Variants in DUT observed in about 807,000 individuals in gnomAD.
DUT encodes the protein deoxyuridine triphosphatase.
DUT carries 21 observed loss-of-function variants against 28.8 expected under a neutral mutation model. The ratio of observed to expected loss-of-function variants is 0.73; its 90% confidence interval spans 0.52 to 1.05. The LOEUF (loss-of-function observed/expected upper bound fraction) is 1.05. Among genes scored for constraint, DUT ranks in the 50% least tolerant of loss-of-function variants. DUT has a pLI of 0.00. For missense variants in DUT, 344 were observed against 351.8 expected (o/e 0.98, Z 0.18); for synonymous variants, 147 against 143.7 (o/e 1.02, Z -0.17).
chr15:48,332,284 A>T lies in DUT; in HGVS notation c.297A>T (p.Ser99=), dbSNP rs1468886315. The T allele has an allele frequency of 8.7e-6, 14 of 1,608,430 alleles. No homozygotes were observed. Among genetic ancestry groups the T allele is most frequent in the African/African-American group, 6.8e-5 (5 of 74,074 alleles). Residue 99 remains serine, a synonymous_variant, in exon 2 of 7, where the codon TCA becomes TCT. Coordinates refer to ENST00000331200, the MANE Select transcript of DUT (RefSeq NM_001025248.2). ...PAPGPETPAI[S]PSKRARPAEV... ...GCTCTGAAGAGACACCCGCCATTTC[A>T]CCCAGTAAGCGGGCCCGGCCTGCGG...
In DUT at chr15:48,331,524, C is replaced by T. The variant is rs764503635; in HGVS notation, c.9C>T (p.Pro3=). The T allele has an allele frequency of 3.7e-6, 6 of 1,611,788 alleles. No homozygotes were observed. Among genetic ancestry groups the T allele is most frequent in the Non-Finnish European group, 3.4e-6 (4 of 1,179,554 alleles). The change falls in exon 1 of 7, where the codon CCC becomes CCT. Residue 3 remains proline (P), a synonymous_variant. Coordinates refer to ENST00000331200, the MANE Select transcript of DUT (RefSeq NM_001025248.2). MT[P]LCPRPALCYH... Reference sequence around the variant, plus strand: ...CCCAAACTCTGGGGGAAATGACTCCCCTCTGCCCTCGCCCCGCGCTCTGCT... The same window carrying T: ...CCCAAACTCTGGGGGAAATGACTCCTCTCTGCCCTCGCCCCGCGCTCTGCT...
rs1320834716 is a variant in DUT at position 48,342,667 on chromosome 15, C to T, written c.*589C>T. 1.3e-5 allele frequency: 2 copies of T among 152,024 alleles called. No individual in the cohort carries two copies. The highest frequency in any genetic ancestry group is 2.4e-5 in the African/African-American group (1 of 41,382). The allele number at this position is 152,024 out of a possible 1,614,324, so 9.4% of individuals were successfully genotyped here. ...AAAAAGAATCCTCAGTTTATTTTTCCACTATTAATCTTTCTTTTGATAAAT... is the reference window on the plus strand; with the variant it reads ...AAAAAGAATCCTCAGTTTATTTTTCTACTATTAATCTTTCTTTTGATAAAT... On this transcript the variant is annotated 3_prime_UTR_variant, in exon 7 of 7. Transcript: ENST00000331200.
rs1209604029 is a variant in DUT, at chr15:48,343,241, C to T, written c.*1163C>T. The T allele has an allele frequency of 6.6e-6, 1 of 152,152 alleles. No homozygotes were observed. The highest frequency in any genetic ancestry group is 1.5e-5 in the Non-Finnish European group (1 of 68,034). 9.4% of individuals were successfully genotyped at this position (152,152 alleles called of 1,614,324 possible). A position where few individuals can be genotyped will look rare whatever the true frequency, so the allele number is the denominator to read the frequency against. On this transcript the variant is annotated 3_prime_UTR_variant, in exon 7 of 7. Transcript: ENST00000331200. Reference sequence around the variant, plus strand: ...TTAATACCCTGCAATGTAATTGTCCCTCTGTGGCTCACATTTCATTAGTGA... The same window carrying T: ...TTAATACCCTGCAATGTAATTGTCCTTCTGTGGCTCACATTTCATTAGTGA...
rs1422157025 is a variant in DUT, at chr15:48,342,009, T to TTCTA, written c.703-9_703-6dup. On this transcript the variant is annotated splice_polypyrimidine_tract_variant and intron_variant, in intron 6 of 6. Transcript: ENST00000331200. ...AAAAAAACTGTGAAGCTTACTACCT[T>TTCTA]TCTATCTTTCAGGCCTTGGATGACA... 10 of 1,565,922 alleles carry TTCTA rather than the reference T, an allele frequency of 6.4e-6. No individual in the cohort carries two copies. The highest frequency in any genetic ancestry group is 8.6e-6 in the Non-Finnish European group (10 of 1,163,150).
Position 48,337,270 on chromosome 15 carries a change from G to C in DUT, c.556+1180G>C, listed in dbSNP as rs535197285. Among the ~76,000 whole-genome samples, 29 of 152,312 alleles carry C rather than the reference G, an allele frequency of 1.9e-4. No homozygotes were observed. In the South Asian group the frequency reaches 5.6e-3, roughly 29 times the overall value. Reference sequence around the variant, plus strand: ...TAAGTTATGCCCGATGTTCAAAAATGCTTTTACAAGGTCAACTGTGGTCAT... The same window carrying C: ...TAAGTTATGCCCGATGTTCAAAAATCCTTTTACAAGGTCAACTGTGGTCAT... On this transcript the variant is annotated intron_variant, in intron 4 of 6. Transcript: ENST00000331200.
intron 4 of DUT, among the ~76,000 whole-genome samples, chr15:48,337,074 T>C (rs533908635): frequency 3.9e-5 from 6 of 152,270 alleles, no homozygotes; most frequent in African/African-American, 1.2e-4. Flanking sequence ...ACCTGCCCCT[T>C]AGTCTAACAT....
At chr15:48,333,127 G>A (rs757251829) in intron 2 of DUT, among the ~76,000 whole-genome samples, 2 of 151,956 alleles carry the variant, frequency 1.3e-5, no homozygotes, top group Non-Finnish European at 1.5e-5. Context: ...ATTAAGGTAG[G>A]AGAAAAGTAA....
rs913345006 is a variant in DUT at position 48,342,226 on chromosome 15, A to G, written c.*148A>G. 4.8e-6 allele frequency: 2 copies of G among 419,036 alleles called. No homozygotes were observed. Among genetic ancestry groups the G allele is most frequent in the Non-Finnish European group, 8.4e-6 (2 of 237,590 alleles). The allele number at this position is 419,036 out of a possible 1,614,324, so 26.0% of individuals were successfully genotyped here. A position where few individuals can be genotyped will look rare whatever the true frequency, so the allele number is the denominator to read the frequency against. On this transcript the variant is annotated 3_prime_UTR_variant, in exon 7 of 7. Transcript: ENST00000331200. ...AGTACTGCATTTTTTACTTTTTTTT[A>G]TGATCAAGGAAAAGATCATTAAAAA...
chr15:48,339,712 G>A (rs2042512164), intron 4 of DUT, among the ~76,000 whole-genome samples: 1 of 152,166 alleles, frequency 6.6e-6, no homozygotes, highest in Non-Finnish European at 1.5e-5. Context: ...AGGCCCGACA[G>A]GAGATGAACT....
chr15:48,341,728 G>C, intron 6 of DUT, 143 bp downstream of exon 6: 1 of 711,526 alleles, frequency 1.4e-6, no homozygotes, highest in Non-Finnish European at 2.3e-6. Flanking sequence ...TAAAATACTA[G>C]TTTTAGAATT....
chr15:48,332,197 A>G (rs2042423045), intron 1 of DUT, 71 bp from the exon 2 acceptor site: 2 of 1,510,022 alleles, frequency 1.3e-6, no homozygotes, highest in South Asian at 1.3e-5. Context: ...GGCGACGCTC[A>G]TCGTGCGCTC....
At chr15:48,340,510 A>G (rs1023450479) in intron 4 of DUT, among the ~76,000 whole-genome samples, 2 of 152,154 alleles carry the variant, frequency 1.3e-5, no homozygotes, top group Non-Finnish European at 2.9e-5. Context: ...GTGCTTATGG[A>G]AATATTTTAA....
chr15:48,335,664 G>A (rs1430566735), intron 3 of DUT, among the ~76,000 whole-genome samples: 1 of 152,108 alleles, frequency 6.6e-6, no homozygotes, highest in African/African-American at 2.4e-5. Context: ...TGTTCCTGCT[G>A]GCCATACTTC....
At chr15:48,337,642 G>C (rs1055143550) in intron 4 of DUT, among the ~76,000 whole-genome samples, 1 of 152,090 alleles carries the variant, frequency 6.6e-6, no homozygotes, top group African/African-American at 2.4e-5. Flanking sequence ...ACTAATTTTT[G>C]CTCTGTTTAA....
chr15:48,339,163 A>G (rs1318481882), intron 4 of DUT, among the ~76,000 whole-genome samples: 1 of 152,186 alleles, frequency 6.6e-6, no homozygotes, highest in African/African-American at 2.4e-5. Context: ...CATATCTTGT[A>G]TCTAAAAAGA....
rs777786832 is a variant in DUT, at chr15:48,334,498, T to C, written c.501T>C (p.Tyr167=). Residue 167 remains tyrosine, a synonymous_variant, in exon 3 of 7, where the codon TAT becomes TAC. Transcript: ENST00000331200. ...AGATAGCGCTCCCTTCTGGGTGTTA[T>C]GGAAGAGTGGGTAAGTCATTTAAGA... The part of the protein sequence containing the change: ...DIQIALPSGC[Y]GRVAPRSGLA... The C allele has an allele frequency of 1.5e-5, 24 of 1,608,746 alleles. No homozygotes were observed. Among genetic ancestry groups the C allele is most frequent in the East Asian group, 4.5e-5 (2 of 44,840 alleles).
intron 4 of DUT, chr15:48,340,334 G>T (rs2042520141): frequency 6.6e-6 from 1 of 152,006 alleles, no homozygotes; most frequent in African/African-American, 2.4e-5. Context: ...TTTGGAGGGA[G>T]GGTAATGTAA....
intron 1 of DUT, 187 bp downstream of exon 1, chr15:48,331,982 C>T: frequency 2.2e-6 from 2 of 890,598 alleles, no homozygotes; most frequent in East Asian, 3.2e-5. Flanking sequence ...AGAAGCTCCC[C>T]TTCAAAGTTG....
chr15:48,332,826 C>G (rs28381107), intron 2 of DUT: 1 of 455,610 alleles, frequency 2.2e-6, no homozygotes, highest in East Asian at 6.8e-5. Context: ...TACATTCATC[C>G]GGCCCAGGGC....
Sources: gnomAD v4.1 joint callset for allele counts (sites outside exome capture counted in the v4.1 genomes callset) on GRCh38, gnomAD v4.1.1 for gene constraint, MANE v1.5 for transcripts, NCBI Gene and HGNC (gene_info 2026-07-23, HGNC 2026-07-21) for gene names.